PKHD1: variants seen among roughly 807,000 people sequenced by gnomAD.
PKHD1 encodes the protein fibrocystin.
In PKHD1, 291 loss-of-function variants were observed where a neutral mutation model predicts 412.0. The ratio of observed to expected loss-of-function variants is 0.71; its 90% CI spans 0.64 to 0.78. The LOEUF (loss-of-function observed/expected upper bound fraction) is 0.78. PKHD1 is among the 30% of genes least tolerant of loss of function. The probability of loss-of-function intolerance (pLI) is 0.00; values close to 1 mark genes in which losing one functional copy is unlikely to be tolerated. For synonymous variants in PKHD1, 1,777 were observed against 1,821.5 expected (o/e 0.98, Z 0.62); for missense variants, 4,825 against 4,950.7 (o/e 0.97, Z 0.76).
chr6:51,726,567 C>A (rs1043279334), intron 60 of PKHD1, among the ~76,000 whole-genome samples: 15 of 152,174 alleles, frequency 9.9e-5, no homozygotes, highest in African/African-American at 3.6e-4. Flanking sequence ...CGCTTCATCC[C>A]CCTCCAGCTT....
chr6:51,924,777 G>T (rs1270079646), intron 37 of PKHD1, among the ~76,000 whole-genome samples: 1 of 152,212 alleles, frequency 6.6e-6, no homozygotes, highest in Non-Finnish European at 1.5e-5. Context: ...CTAGCTGAGA[G>T]ATTATTGGAA....
At chr6:51,829,881 T>C (rs939322358) in intron 52 of PKHD1, among the ~76,000 whole-genome samples, 11 of 152,174 alleles carry the variant, frequency 7.2e-5, no homozygotes, top group Non-Finnish European at 1.2e-4. Context: ...ATTTTGACTC[T>C]GCAAATTGCA....
intron 52 of PKHD1, among the ~76,000 whole-genome samples, chr6:51,801,413 A>G (rs1200498278): frequency 1.3e-5 from 2 of 152,202 alleles, no homozygotes; most frequent in Non-Finnish European, 2.9e-5. Flanking sequence ...ATAAGGATGC[A>G]GTCTTTCTAT....
chr6:52,078,269 C>G (rs1019242915), intron 5 of PKHD1, among the ~76,000 whole-genome samples: 14 of 152,102 alleles, frequency 9.2e-5, no homozygotes, highest in African/African-American at 3.4e-4. Flanking sequence ...TGGTCACCCA[C>G]CAGGCTAGAG....
At chr6:52,069,099 T>C (rs1231472964) in intron 11 of PKHD1, among the ~76,000 whole-genome samples, 1 of 152,222 alleles carries the variant, frequency 6.6e-6, no homozygotes, top group Non-Finnish European at 1.5e-5. Context: ...AATTATTGAA[T>C]GAATGCTCAG....
At chr6:51,637,605 T>TAAA (rs58433463) in intron 64 of PKHD1, among the ~76,000 whole-genome samples, 25 of 146,694 alleles carry the variant, frequency 1.7e-4, no homozygotes, top group African/African-American at 5.8e-4. Flanking sequence ...GTCTTTTTGT[T>TAAA]AAAAAAAAAA....
intron 50 of PKHD1, among the ~76,000 whole-genome samples, chr6:51,843,917 C>T (rs939843491): frequency 3.3e-5 from 5 of 152,176 alleles, no homozygotes; most frequent in African/African-American, 1.2e-4. Flanking sequence ...TAAGTGGCAT[C>T]ACATTTCAAT....
At chr6:51,803,355 T>C (rs1393284764) in intron 52 of PKHD1, among the ~76,000 whole-genome samples, 2 of 151,164 alleles carry the variant, frequency 1.3e-5, no homozygotes, top group African/African-American at 4.9e-5. Context: ...ATTCGAATAT[T>C]GTCCCAGAGA....
At position 51,652,188 on chromosome 6, in the gene PKHD1, A is replaced by AT. The variant is rs151325628; in HGVS notation, c.11175-2969dup. Among the ~76,000 whole-genome samples the AT allele has an allele frequency of 7.4e-3, 1,124 of 151,662 alleles. 13 individuals carry two copies. The highest frequency in any genetic ancestry group is 0.026 in the African/African-American group (1,069 of 41,364). On this transcript the variant is annotated intron_variant, in intron 61 of 66. Transcript: ENST00000371117. ...CAATACCCAGTTAGGTATGTGAGAG[A>AT]TTTTTTTTTCTGCAATGCTTAAATG...
In PKHD1 at chr6:51,903,726, GTCTAATGTTTCAACAAA is replaced by G. The variant is rs1554299291; in HGVS notation, c.6866-16_6866del. Reference sequence around the variant, plus strand: ...TTATTATATTTCCATGTCCTGACCAGTCTAATGTTTCAACAAATCCAGGGGATCCACAAACATAATTA... The same window carrying G: ...TTATTATATTTCCATGTCCTGACCAGTCCAGGGGATCCACAAACATAATTA... On this transcript the variant is annotated splice_acceptor_variant and splice_polypyrimidine_tract_variant and coding_sequence_variant and intron_variant, in exon 43 of 67. Transcript: ENST00000371117. LOFTEE classifies it high-confidence loss of function. 1 of 1,609,124 alleles carries G rather than the reference GTCTAATGTTTCAACAAA, an allele frequency of 6.2e-7. No homozygotes were observed. Among genetic ancestry groups the G allele is most frequent in the African/African-American group, 1.3e-5 (1 of 74,606 alleles).
intron 60 of PKHD1, among the ~76,000 whole-genome samples, chr6:51,711,910 C>A (rs2150765338): frequency 6.6e-6 from 1 of 152,266 alleles, no homozygotes; most frequent in Non-Finnish European, 1.5e-5. Flanking sequence ...ATTTTCCTTG[C>A]ATTTGAGCAA....
intron 48 of PKHD1, among the ~76,000 whole-genome samples, chr6:51,859,254 C>A (rs1191068793): frequency 6.6e-6 from 1 of 152,020 alleles, no homozygotes; most frequent in Non-Finnish European, 1.5e-5. Flanking sequence ...CGGCCGGGAG[C>A]GGTGGCTTAT....
At chr6:51,721,479 A>G (rs1781920831) in intron 60 of PKHD1, 1 of 861,258 alleles carries the variant, frequency 1.2e-6, no homozygotes, top group Non-Finnish European at 1.4e-6. Flanking sequence ...CTACCATATT[A>G]TTTCACCTAT....
intron 61 of PKHD1, among the ~76,000 whole-genome samples, chr6:51,656,014 A>G (rs1437864734): frequency 6.6e-6 from 1 of 152,188 alleles, no homozygotes; most frequent in Non-Finnish European, 1.5e-5. Context: ...TTATTTATAA[A>G]TCATTCTACT....
rs1554254098 is a variant in PKHD1, at chr6:51,807,458, A to ATAT, written c.8303-16086_8303-16085insATA. On this transcript the variant is annotated intron_variant, in intron 52 of 66. Coordinates refer to ENST00000371117, the MANE Select transcript of PKHD1 (RefSeq NM_138694.4). ...GTCTCAAAAAAAAAAAAAAAAAAAA[A>ATAT]ATATATATATATATATATATATGTA... 1.4e-3 allele frequency among the ~76,000 whole-genome samples: 71 copies of ATAT among 49,698 alleles called. 3 individuals are homozygous for ATAT. The highest frequency in any genetic ancestry group is 3.8e-3 in the African/African-American group (63 of 16,646). 32.6% of individuals were successfully genotyped at this position (49,698 alleles called of 152,430 possible). A position where few individuals can be genotyped will look rare whatever the true frequency, so the allele number is the denominator to read the frequency against.
At position 52,054,089 on chromosome 6, in the gene PKHD1, A is replaced by G. The variant is rs181546197; in HGVS notation, c.1913T>C (p.Met638Thr). ...CCAGTCACAGGTGGTATTCTTTACCATGTTTTGAAAGCCGATTGTGAAGGA... is the reference window on the plus strand; with the variant it reads ...CCAGTCACAGGTGGTATTCTTTACCGTGTTTTGAAAGCCGATTGTGAAGGA... ...IVSFTIGFQN[M>T]VKNTTCDWSL... Residue 638 changes from methionine to threonine, a missense_variant, in exon 20 of 67, where the codon ATG becomes ACG. Met to Thr is a moderately conservative substitution (Grantham distance 81). Transcript: ENST00000371117. 6.8e-5 allele frequency: 110 copies of G among 1,613,970 alleles called. No individual in the cohort carries two copies. The Admixed American group carries it at 7.8e-4, about 11-fold the overall frequency.
chr6:51,950,496 T>C (rs1382349664), intron 36 of PKHD1, among the ~76,000 whole-genome samples: 1 of 152,048 alleles, frequency 6.6e-6, no homozygotes, highest in Non-Finnish European at 1.5e-5. Context: ...CTTTTATTGT[T>C]TTAGGCTAGT....
At chr6:51,740,064 A>G in intron 60 of PKHD1, 1 of 517,552 alleles carries the variant, frequency 1.9e-6, no homozygotes, top group Non-Finnish European at 3.9e-6. Flanking sequence ...CTCCATAATC[A>G]AAAGAAATCC....
chr6:52,064,916 T>C (rs751671530), intron 13 of PKHD1, 39 bp downstream of exon 13: 2 of 924,458 alleles, frequency 2.2e-6, no homozygotes, highest in South Asian at 2.6e-5. Flanking sequence ...TGATTAAAGA[T>C]ATTCAGAGTT....
Sources: allele counts gnomAD v4.1 joint callset (sites outside exome capture counted in the v4.1 genomes callset), GRCh38; gene constraint gnomAD v4.1.1; transcripts MANE v1.5; gene names NCBI Gene and HGNC (gene_info 2026-07-23, HGNC 2026-07-21).